SLC4A4: variants seen among roughly 807,000 people sequenced by gnomAD.
SLC4A4 encodes electrogenic sodium bicarbonate cotransporter 1.
In SLC4A4, 27 loss-of-function variants were observed where a neutral mutation model predicts 111.5. That is an observed-to-expected ratio of 0.24 (90% confidence interval 0.18 to 0.33). The LOEUF (loss-of-function observed/expected upper bound fraction) is 0.33. Ranked by LOEUF, SLC4A4 falls within the 10% of genes least tolerant of loss-of-function variation. The pLI, the probability that SLC4A4 is intolerant of heterozygous loss-of-function variation, is 1.00. For synonymous variants in SLC4A4, 443 were observed against 463.4 expected (o/e 0.96, Z 0.57); for missense variants, 909 against 1,315.5 (o/e 0.69, Z 4.78).
At chr4:71,443,152 A>ATATATATATATATAT (rs1724918756) in intron 8 of SLC4A4, among the ~76,000 whole-genome samples, 10 of 113,938 alleles carry the variant, frequency 8.8e-5, no homozygotes, top group African/African-American at 2.1e-4. Flanking sequence ...ATATATATAT[A>ATATATATATATATAT]AATTTTTTGA....
At chr4:71,236,398 C>A in intron 1 of SLC4A4, 178 bp from the exon 2 acceptor site, 1 of 767,808 alleles carries the variant, frequency 1.3e-6, no homozygotes, top group Non-Finnish European at 2.0e-6. Context: ...CCGGCATATT[C>A]TCGAGCACCA....
chr4:71,362,904 GGCACCCCGGGCCTGCTCCTGATA>G (rs1730923432), intron 6 of SLC4A4, among the ~76,000 whole-genome samples: 1 of 152,010 alleles, frequency 6.6e-6, no homozygotes, highest in Non-Finnish European at 1.5e-5. Flanking sequence ...CATATTTGTA[GGCACCCCGGGCCTGCTCCTGATA>G]GAACCTCTGC....
chr4:71,334,630 A>G (rs1314824387), intron 3 of SLC4A4, among the ~76,000 whole-genome samples: 1 of 152,272 alleles, frequency 6.6e-6, no homozygotes, highest in South Asian at 2.1e-4. Context: ...TGGAATTTTA[A>G]TCCCCCAAAA....
chr4:71,255,131 C>T, intron 2 of SLC4A4, 89 bp from the exon 3 acceptor site: 2 of 1,206,692 alleles, frequency 1.7e-6, no homozygotes, highest in Non-Finnish European at 2.5e-6. Context: ...AATTTATAGA[C>T]ATTTTCTTCT....
intron 7 of SLC4A4, among the ~76,000 whole-genome samples, chr4:71,412,283 A>C (rs1029698409): frequency 6.6e-6 from 1 of 152,182 alleles, no homozygotes; most frequent in African/African-American, 2.4e-5. Flanking sequence ...GAAATACTTG[A>C]GGAGATGTAG....
chr4:71,337,521 G>C (rs1240188320), intron 3 of SLC4A4, among the ~76,000 whole-genome samples: 1 of 151,920 alleles, frequency 6.6e-6, no homozygotes, highest in Non-Finnish European at 1.5e-5. Flanking sequence ...GGATTTTTCT[G>C]TTTTCTCAGT....
chr4:71,473,258 T>G (rs1358042514), intron 14 of SLC4A4: 2 of 605,162 alleles, frequency 3.3e-6, no homozygotes, highest in East Asian at 5.5e-5. Context: ...TACATTATTC[T>G]TGATTTTATA....
At chr4:71,323,366 C>T (rs1392721579) in intron 3 of SLC4A4, among the ~76,000 whole-genome samples, 1 of 151,726 alleles carries the variant, frequency 6.6e-6, no homozygotes, top group African/African-American at 2.4e-5. Flanking sequence ...GTGCAAGAAA[C>T]TCATTTAGAA....
intron 16 of SLC4A4, among the ~76,000 whole-genome samples, chr4:71,516,908 T>C (rs987450720): frequency 6.6e-6 from 1 of 152,210 alleles, no homozygotes; most frequent in South Asian, 2.1e-4. Context: ...TTCAGCTCTT[T>C]GAATATATCA....
chr4:71,193,155 C>A (rs1745811590), intron 1 of SLC4A4, among the ~76,000 whole-genome samples: 1 of 152,164 alleles, frequency 6.6e-6, no homozygotes, highest in Admixed American at 6.5e-5. Context: ...ATGCTATGAG[C>A]ATTCTTACGT....
intron 2 of SLC4A4, among the ~76,000 whole-genome samples, chr4:71,116,750 C>A (rs1402147504): frequency 6.6e-6 from 1 of 152,112 alleles, no homozygotes; most frequent in Non-Finnish European, 1.5e-5. Context: ...TCGAGACCAG[C>A]CTGACCAACA....
chr4:71,115,509 T>C (rs1398238475), intron 2 of SLC4A4, among the ~76,000 whole-genome samples: 1 of 152,216 alleles, frequency 6.6e-6, no homozygotes, highest in Admixed American at 6.5e-5. Context: ...ATTTGATGAC[T>C]TGAAATTTGT....
intron 24 of SLC4A4, among the ~76,000 whole-genome samples, chr4:71,565,756 A>G (rs924896005): frequency 6.6e-5 from 10 of 151,890 alleles, no homozygotes; most frequent in Admixed American, 2.0e-4. Flanking sequence ...TTGACAGCAT[A>G]GGTATCCACC....
intron 16 of SLC4A4, among the ~76,000 whole-genome samples, chr4:71,515,987 C>T (rs1732341947): frequency 1.3e-5 from 2 of 148,700 alleles, no homozygotes; most frequent in African/African-American, 5.0e-5. Context: ...ATATGTGAGG[C>T]TTCATTTCTG....
chr4:71,413,908 A>G (rs1214123025), intron 7 of SLC4A4, among the ~76,000 whole-genome samples: 2 of 152,086 alleles, frequency 1.3e-5, no homozygotes, highest in Non-Finnish European at 1.5e-5. Flanking sequence ...CCTTGTGCTT[A>G]GGAAGCCCAA....
intron 7 of SLC4A4, among the ~76,000 whole-genome samples, chr4:71,417,922 C>A (rs1003622584): frequency 6.6e-6 from 1 of 152,250 alleles, no homozygotes; most frequent in East Asian, 1.9e-4. Context: ...AAGACCTTTA[C>A]GCTTTTGAGA....
chr4:71,447,830 G>A (rs1469049568), intron 9 of SLC4A4, 97 bp downstream of exon 9: 7 of 806,610 alleles, frequency 8.7e-6, no homozygotes, highest in Non-Finnish European at 1.5e-5. Flanking sequence ...GAATTATGTG[G>A]TTACTAGACT....
chr4:71,165,483 C>T (rs1744719445), intron 2 of SLC4A4, among the ~76,000 whole-genome samples: 1 of 152,032 alleles, frequency 6.6e-6, no homozygotes, highest in Non-Finnish European at 1.5e-5. Context: ...TGTTCTCACT[C>T]ATAAGTGGGA....
intron 2 of SLC4A4, among the ~76,000 whole-genome samples, chr4:71,123,838 T>C (rs1458242291): frequency 6.6e-6 from 1 of 152,184 alleles, no homozygotes; most frequent in Non-Finnish European, 1.5e-5. Flanking sequence ...TCTGAGATGG[T>C]TTTAACTGAT....
Sources: gnomAD v4.1 joint callset for allele counts (sites outside exome capture counted in the v4.1 genomes callset) on GRCh38, gnomAD v4.1.1 for gene constraint, MANE v1.5 for transcripts, NCBI Gene and HGNC (gene_info 2026-07-23, HGNC 2026-07-21) for gene names.